PGGT1B: variants seen among roughly 807,000 people sequenced by gnomAD.
PGGT1B encodes the protein geranylgeranyl transferase type-1 subunit beta.
PGGT1B carries 30 observed loss-of-function variants against 46.1 expected under a neutral mutation model. The observed-to-expected ratio is 0.65, with a 90% confidence interval of 0.49 to 0.88. The LOEUF is 0.88. Ranked by LOEUF, PGGT1B falls within the 40% of genes least tolerant of loss-of-function variation. PGGT1B has a pLI of 0.00. For missense variants in PGGT1B, 376 were observed against 455.9 expected, an observed-to-expected ratio of 0.82 and a Z score of 1.60; for synonymous variants, 170 against 160.0, an observed-to-expected ratio of 1.06 and a Z score of -0.47.
intron 6 of PGGT1B, among the ~76,000 whole-genome samples, chr5:115,225,146 T>C (rs369193654): frequency 5.9e-5 from 9 of 152,172 alleles, no homozygotes; most frequent in Non-Finnish European, 1.0e-4. Flanking sequence ...GTTGAAGACA[T>C]AGTATGAACA....
At chr5:115,237,684 G>T (rs1052137505) in intron 4 of PGGT1B, among the ~76,000 whole-genome samples, 174 bp downstream of exon 4, 2 of 152,060 alleles carry the variant, frequency 1.3e-5, no homozygotes, top group African/African-American at 4.8e-5. Context: ...TTCACTCACA[G>T]AGGAAATCTG....
At chr5:115,215,271 C>A (rs1580742042) in intron 8 of PGGT1B, among the ~76,000 whole-genome samples, 1 of 152,042 alleles carries the variant, frequency 6.6e-6, no homozygotes, top group East Asian at 1.9e-4. Context: ...GCTGGGATTA[C>A]AGGCGTGAGC....
Position 115,211,936 on chromosome 5 carries a change from T to C in PGGT1B, c.*466A>G, listed in dbSNP as rs549472904. 1 of 154,934 alleles carries C rather than the reference T, an allele frequency of 6.5e-6. No individual in the cohort carries two copies. Among genetic ancestry groups the C allele is most frequent in the South Asian group, 2.0e-4 (1 of 5,020 alleles). 9.6% of individuals were successfully genotyped at this position (154,934 alleles called of 1,614,324 possible). On this transcript the variant is annotated 3_prime_UTR_variant, in exon 9 of 9. Coordinates refer to ENST00000419445, the MANE Select transcript of PGGT1B (RefSeq NM_005023.4). ...TTTAAAAAAAATTATGGTCATCTGT[T>C]TTCAAAGAATAATCCCAGATACTTA...
chr5:115,224,686 A>G (rs1021137028), intron 6 of PGGT1B, among the ~76,000 whole-genome samples: 1 of 152,152 alleles, frequency 6.6e-6, no homozygotes, highest in Non-Finnish European at 1.5e-5. Flanking sequence ...CCTGGGCAAC[A>G]TAAGGAGACC....
chr5:115,244,240 C>G (rs1372615439), intron 2 of PGGT1B, among the ~76,000 whole-genome samples: 2 of 151,434 alleles, frequency 1.3e-5, no homozygotes, highest in Non-Finnish European at 2.9e-5. Flanking sequence ...CCGAGACGGG[C>G]GGATCACGAG....
chr5:115,238,511 T>C (rs563713353), intron 3 of PGGT1B, among the ~76,000 whole-genome samples: 7 of 152,014 alleles, frequency 4.6e-5, no homozygotes, highest in East Asian at 1.9e-4. Context: ...CTATCACTTA[T>C]AATTTAAGTC....
At chr5:115,213,021 T>C (rs1756285616) in intron 8 of PGGT1B, among the ~76,000 whole-genome samples, 1 of 152,196 alleles carries the variant, frequency 6.6e-6, no homozygotes, top group Non-Finnish European at 1.5e-5. Flanking sequence ...AGTTGCAATA[T>C]CCCTCGCTCC....
chr5:115,257,180 T>C (rs1748356066), intron 1 of PGGT1B, among the ~76,000 whole-genome samples: 1 of 71,288 alleles, frequency 1.4e-5, no homozygotes, highest in East Asian at 6.6e-4. Context: ...ATGTCAAATA[T>C]TCCAGGCTTA....
chr5:115,238,415 G>A (rs987236680), intron 3 of PGGT1B, among the ~76,000 whole-genome samples: 4 of 143,220 alleles, frequency 2.8e-5, no homozygotes, highest in African/African-American at 1.0e-4. Flanking sequence ...GTGATTCTCC[G>A]GCCTCAGCCT....
At chr5:115,260,023 G>A (rs1204147748) in intron 1 of PGGT1B, among the ~76,000 whole-genome samples, 1 of 151,938 alleles carries the variant, frequency 6.6e-6, no homozygotes, top group African/African-American at 2.4e-5. Context: ...AAAGAAACCT[G>A]GTAATTGATA....
intron 1 of PGGT1B, among the ~76,000 whole-genome samples, chr5:115,258,474 C>A (rs1163607588): frequency 6.6e-6 from 1 of 152,214 alleles, no homozygotes; most frequent in Non-Finnish European, 1.5e-5. Flanking sequence ...TGTTTCTAGA[C>A]AAGCACACAA....
In PGGT1B at chr5:115,256,158, T is replaced by C. The variant is rs565379808; in HGVS notation, c.141-2903A>G. On this transcript the variant is annotated intron_variant, in intron 1 of 8. Coordinates refer to ENST00000419445, the MANE Select transcript of PGGT1B (RefSeq NM_005023.4). ...CATAATATATCATAATCAAACATTC[T>C]TGGTTGTCACAGTGGAGGAGGGAGT... Among the ~76,000 whole-genome samples, 4 of 152,292 alleles carry C rather than the reference T, an allele frequency of 2.6e-5. No individual in the cohort carries two copies. The South Asian group carries it at 8.3e-4, about 32-fold the overall frequency.
intron 7 of PGGT1B, among the ~76,000 whole-genome samples, chr5:115,218,479 C>T (rs1446857456): frequency 2.7e-5 from 3 of 111,636 alleles, no homozygotes; most frequent in African/African-American, 1.1e-4. Context: ...TCTATGTGTT[C>T]ACAATGATTC....
At chr5:115,251,993 C>T (rs1417137895) in intron 2 of PGGT1B, among the ~76,000 whole-genome samples, 8 of 152,068 alleles carry the variant, frequency 5.3e-5, no homozygotes, top group South Asian at 2.1e-4. Context: ...AGGACTAAGA[C>T]GTGGCCTCGG....
intron 4 of PGGT1B, 31 bp from the exon 5 acceptor site, chr5:115,236,553 A>G (rs749573697): frequency 2.7e-6 from 4 of 1,481,564 alleles, no homozygotes; most frequent in Admixed American, 2.5e-5. Flanking sequence ...ATGATTTTCT[A>G]TTAACACTGG....
At chr5:115,238,076 T>C in intron 3 of PGGT1B, 67 bp from the exon 4 acceptor site, 2 of 1,160,208 alleles carry the variant, frequency 1.7e-6, no homozygotes, top group Non-Finnish European at 1.2e-6. Flanking sequence ...TTAAGAAATC[T>C]GACATAAGGT....
rs1756426144 is a variant in PGGT1B, at chr5:115,216,588, T to C, written c.952+277A>G. 1.3e-5 allele frequency among the ~76,000 whole-genome samples: 2 copies of C among 152,212 alleles called. No homozygotes were observed. The highest frequency in any genetic ancestry group is 4.8e-5 in the African/African-American group (2 of 41,462). On this transcript the variant is annotated intron_variant, in intron 8 of 8. Transcript: ENST00000419445. The stretch of plus-strand genomic sequence containing the variant: ...CTTTGGAAAGGACCCATTCAGACCA[T>C]CTACATTATTGCTGCAAATGAAATA...
In PGGT1B at chr5:115,262,600, C is replaced by G. The variant is rs113531864; in HGVS notation, c.140+112G>C. ...CCCACTTGAAACCAGTCAGTGCCAA[C>G]TGGGCGGCCGCGCAGCCCCCTTCCG... On this transcript the variant is annotated intron_variant, in intron 1 of 8. Transcript: ENST00000419445. 3,631 of 1,245,686 alleles carry G rather than the reference C, an allele frequency of 2.9e-3. 80 individuals are homozygous for G. In the African/African-American group the frequency reaches 0.047, roughly 16 times the overall value. The allele number at this position is 1,245,686 out of a possible 1,614,324, so 77.2% of individuals were successfully genotyped here.
At chr5:115,239,442 T>C (rs191351091) in intron 3 of PGGT1B, among the ~76,000 whole-genome samples, 207 of 152,266 alleles carry the variant, frequency 1.4e-3, no homozygotes, top group African/African-American at 4.7e-3. Context: ...AAGCTCTAGT[T>C]CTCCTGGCTA....
Sources: allele counts gnomAD v4.1 joint callset (sites outside exome capture counted in the v4.1 genomes callset), GRCh38; gene constraint gnomAD v4.1.1; transcripts MANE v1.5; gene names NCBI Gene and HGNC (gene_info 2026-07-23, HGNC 2026-07-21).